The following CA10 variants were observed in gnomAD, a reference collection of about 807,000 sequenced individuals.
CA10 encodes carbonic anhydrase-related protein 10.
Under a neutral mutation model 44.2 loss-of-function variants are expected in CA10, and 14 were observed. That is an observed-to-expected ratio of 0.32 (90% CI 0.21 to 0.50). CA10 has a LOEUF of 0.50. Ranked by LOEUF, CA10 falls within the 20% of genes least tolerant of loss-of-function variation. CA10 has a pLI of 0.99. For missense variants in CA10, 350 were observed against 409.7 expected (o/e 0.85, Z 1.26); for synonymous variants, 159 against 141.6 (o/e 1.12, Z -0.87).
At chr17:51,710,921 CTTTTTT>C (rs55854155) in intron 4 of CA10, among the ~76,000 whole-genome samples, 28 of 84,462 alleles carry the variant, frequency 3.3e-4, no homozygotes, top group Admixed American at 6.2e-4. Context: ...CAACATTTTG[CTTTTTT>C]TTTTTTTTTT....
intron 4 of CA10, among the ~76,000 whole-genome samples, chr17:51,692,145 C>T (rs1325390436): frequency 2.0e-5 from 3 of 151,880 alleles, no homozygotes; most frequent in East Asian, 3.9e-4. Flanking sequence ...TATCTCACTA[C>T]AGTTTTTTGT....
chr17:52,011,479 T>G (rs1427468381), intron 2 of CA10, among the ~76,000 whole-genome samples: 1 of 152,084 alleles, frequency 6.6e-6, no homozygotes, highest in African/African-American at 2.4e-5. Flanking sequence ...TAGTCCATCT[T>G]AAGAAGAAGT....
chr17:51,940,778 T>TAC (rs1983048371), intron 2 of CA10, among the ~76,000 whole-genome samples: 1 of 152,026 alleles, frequency 6.6e-6, no homozygotes, highest in African/African-American at 2.4e-5. Flanking sequence ...TCCTGTGCTA[T>TAC]ACTTCCTCCC....
intron 4 of CA10, among the ~76,000 whole-genome samples, chr17:51,724,616 T>A (rs1372785746): frequency 6.6e-6 from 1 of 152,228 alleles, no homozygotes; most frequent in South Asian, 2.1e-4. Flanking sequence ...TTCCTTTTTT[T>A]AAATTTTGTT....
At chr17:51,853,634 T>C (rs906936067) in intron 3 of CA10, among the ~76,000 whole-genome samples, 1 of 152,214 alleles carries the variant, frequency 6.6e-6, no homozygotes, top group Non-Finnish European at 1.5e-5. Flanking sequence ...CACTGTAGGA[T>C]GCCCTGGTGA....
At chr17:51,759,835 C>A (rs966469422) in intron 3 of CA10, among the ~76,000 whole-genome samples, 1 of 152,008 alleles carries the variant, frequency 6.6e-6, no homozygotes, top group Middle Eastern at 3.2e-3. Flanking sequence ...TCCCTTCGTG[C>A]CTTAAGGAAT....
intron 3 of CA10, among the ~76,000 whole-genome samples, chr17:51,802,364 A>C (rs1401150549): frequency 6.6e-6 from 1 of 152,110 alleles, no homozygotes; most frequent in African/African-American, 2.4e-5. Flanking sequence ...AGTGGGAAAG[A>C]GCTCACTCTG....
intron 3 of CA10, among the ~76,000 whole-genome samples, chr17:51,832,520 C>T (rs1246512930): frequency 6.6e-6 from 1 of 152,154 alleles, no homozygotes; most frequent in African/African-American, 2.4e-5. Flanking sequence ...TAAAGATGCT[C>T]ATGATGGATC....
In CA10 at chr17:51,930,838, A is replaced by G. The variant is rs368837953; in HGVS notation, c.279+152T>C. 198 of 875,178 alleles carry G rather than the reference A, an allele frequency of 2.3e-4. 2 individuals are homozygous for G. The East Asian group carries it at 4.6e-3, about 20-fold the overall frequency. 54.2% of individuals were successfully genotyped at this position (875,178 alleles called of 1,614,324 possible). On this transcript the variant is annotated intron_variant, in intron 3 of 8. Transcript: ENST00000451037. Reference sequence around the variant, plus strand: ...TAGGGAGAAAAAGCACAATTTAGACATATTTCTATCTAATGGCGGCAGGTC... The same window carrying G: ...TAGGGAGAAAAAGCACAATTTAGACGTATTTCTATCTAATGGCGGCAGGTC...
intron 2 of CA10, among the ~76,000 whole-genome samples, chr17:51,967,333 G>GATAC (rs1555614956): frequency 4.1e-5 from 6 of 147,324 alleles, no homozygotes; most frequent in Non-Finnish European, 7.5e-5. Flanking sequence ...CATTACTGGA[G>GATAC]ATATATATAT....
At chr17:52,130,310 T>A (rs1484956348) in intron 1 of CA10, among the ~76,000 whole-genome samples, 4 of 152,164 alleles carry the variant, frequency 2.6e-5, no homozygotes, top group Non-Finnish European at 5.9e-5. Flanking sequence ...TAGGTGTATA[T>A]CCAGAGTATA....
chr17:51,951,677 C>T (rs1459655758), intron 2 of CA10, among the ~76,000 whole-genome samples: 1 of 152,170 alleles, frequency 6.6e-6, no homozygotes, highest in Non-Finnish European at 1.5e-5. Flanking sequence ...CATTACTTTA[C>T]TATTGGAAAA....
At chr17:52,084,125 T>A (rs1988055133) in intron 1 of CA10, among the ~76,000 whole-genome samples, 1 of 152,074 alleles carries the variant, frequency 6.6e-6, no homozygotes, top group Non-Finnish European at 1.5e-5. Flanking sequence ...ATATAAGACT[T>A]GCAGCAGGAA....
intron 1 of CA10, among the ~76,000 whole-genome samples, chr17:52,139,416 A>G (rs190648558): frequency 6.7e-6 from 1 of 149,736 alleles, no homozygotes. Context: ...TTGCTCACAT[A>G]TGGCTCTTAC....
intron 2 of CA10, among the ~76,000 whole-genome samples, chr17:52,005,674 G>T (rs1199939464): frequency 6.6e-6 from 1 of 151,936 alleles, no homozygotes; most frequent in African/African-American, 2.4e-5. Flanking sequence ...TTGGGGTTTT[G>T]TCTGCTATGT....
chr17:51,888,796 C>T (rs1254906264), intron 3 of CA10, among the ~76,000 whole-genome samples: 1 of 152,160 alleles, frequency 6.6e-6, no homozygotes, highest in African/African-American at 2.4e-5. Flanking sequence ...TTACCTATTG[C>T]TACATAATAA....
intron 7 of CA10, among the ~76,000 whole-genome samples, chr17:51,634,172 A>T (rs1344991946): frequency 6.6e-6 from 1 of 152,242 alleles, no homozygotes; most frequent in Non-Finnish European, 1.5e-5. Context: ...CTCTAGCAGG[A>T]GAGAAGAATG....
intron 4 of CA10, among the ~76,000 whole-genome samples, chr17:51,742,787 A>T (rs1904515522): frequency 6.6e-6 from 1 of 152,180 alleles, no homozygotes; most frequent in African/African-American, 2.4e-5. Context: ...TTTGAGCAGG[A>T]TCAGAGATTC....
At chr17:51,671,603 A>C (rs1209624249) in intron 4 of CA10, among the ~76,000 whole-genome samples, 1 of 151,900 alleles carries the variant, frequency 6.6e-6, no homozygotes, top group Non-Finnish European at 1.5e-5. Context: ...ACGTGATTTC[A>C]CCGTGTTAGC....
Sources: gnomAD v4.1 joint callset for allele counts (sites outside exome capture counted in the v4.1 genomes callset) on GRCh38, gnomAD v4.1.1 for gene constraint, MANE v1.5 for transcripts, NCBI Gene and HGNC (gene_info 2026-07-23, HGNC 2026-07-21) for gene names.